The following EGFR variants were observed in gnomAD, a reference collection of about 807,000 sequenced individuals.
EGFR encodes the protein avian erythroblastic leukemia viral (v-erb-b) oncogene homolog.
In EGFR, 58 loss-of-function variants were observed where a neutral mutation model predicts 143.0. The observed-to-expected ratio is 0.41, with a 90% CI of 0.33 to 0.50. The LOEUF is 0.50. EGFR is among the 20% of genes least tolerant of loss of function. The pLI is 0.39. For missense variants in EGFR, 1,307 were observed against 1,579.0 expected (o/e 0.83, Z 2.92); for synonymous variants, 613 against 594.4 (o/e 1.03, Z -0.45).
intron 1 of EGFR, among the ~76,000 whole-genome samples, chr7:55,133,480 G>A (rs1041071465): frequency 2.0e-5 from 3 of 152,334 alleles, no homozygotes; most frequent in East Asian, 1.9e-4. Flanking sequence ...CAAAGAGCTG[G>A]CTTCCTGAAG....
chr7:55,144,055 A>T (rs1010056741), intron 3 of EGFR, among the ~76,000 whole-genome samples: 3 of 152,186 alleles, frequency 2.0e-5, no homozygotes, highest in Non-Finnish European at 4.4e-5. Flanking sequence ...GATTTTAAAA[A>T]ACTGGAGATA....
At chr7:55,047,129 A>T (rs1788221790) in intron 1 of EGFR, among the ~76,000 whole-genome samples, 1 of 152,204 alleles carries the variant, frequency 6.6e-6, no homozygotes, top group Non-Finnish European at 1.5e-5. Flanking sequence ...GTCATAAAGA[A>T]GAGGAGATAG....
At chr7:55,023,372 G>C (rs572991718) in intron 1 of EGFR, among the ~76,000 whole-genome samples, 1 of 152,082 alleles carries the variant, frequency 6.6e-6, no homozygotes, top group Admixed American at 6.5e-5. Flanking sequence ...ATTCTGGGCC[G>C]GGCATGGTGG....
intron 1 of EGFR, among the ~76,000 whole-genome samples, chr7:55,033,022 C>G (rs1787349692): frequency 6.6e-6 from 1 of 152,308 alleles, no homozygotes; most frequent in Non-Finnish European, 1.5e-5. Context: ...CACTGGTTCT[C>G]AGTATGTCCA....
chr7:55,055,856 G>A (rs1169706574), intron 1 of EGFR, among the ~76,000 whole-genome samples: 1 of 152,042 alleles, frequency 6.6e-6, no homozygotes, highest in Non-Finnish European at 1.5e-5. Flanking sequence ...TCACCTGCTT[G>A]AGGTCAGTTC....
chr7:55,110,650 C>T (rs1792421491), intron 1 of EGFR, among the ~76,000 whole-genome samples: 1 of 152,334 alleles, frequency 6.6e-6, no homozygotes, highest in East Asian at 1.9e-4. Context: ...AGCAACTTTC[C>T]AGTCTGTGAT....
chr7:55,064,501 A>C (rs1352917651), intron 1 of EGFR, among the ~76,000 whole-genome samples: 1 of 152,222 alleles, frequency 6.6e-6, no homozygotes, highest in Non-Finnish European at 1.5e-5. Context: ...ACACACAAAC[A>C]CCCATTCATG....
chr7:55,037,483 G>A (rs111595145), intron 1 of EGFR, among the ~76,000 whole-genome samples: 8 of 152,302 alleles, frequency 5.3e-5, no homozygotes, highest in Non-Finnish European at 8.8e-5. Context: ...ACGTAGCTTT[G>A]CAGCACTCTT....
rs540280258 is a variant in EGFR, at chr7:55,186,838, G to A, written c.2470-4881G>A. ...GGTCAGAGCAGGAGGCGCAGCTATAGTGAGGCCACCATGCAAGGCACAGGG... is the reference window on the plus strand; with the variant it reads ...GGTCAGAGCAGGAGGCGCAGCTATAATGAGGCCACCATGCAAGGCACAGGG... On this transcript the variant is annotated intron_variant, in intron 20 of 27. Transcript: ENST00000275493. Among the ~76,000 whole-genome samples, 6 of 152,342 alleles carry A rather than the reference G, an allele frequency of 3.9e-5. No individual in the cohort carries two copies. The South Asian group carries it at 1.0e-3, about 26-fold the overall frequency.
chr7:55,091,528 C>T (rs1004235705), intron 1 of EGFR, among the ~76,000 whole-genome samples: 1 of 152,144 alleles, frequency 6.6e-6, no homozygotes, highest in African/African-American at 2.4e-5. Flanking sequence ...CACCTCCCTT[C>T]GACAGTACAG....
At chr7:55,069,194 T>A (rs185903505) in intron 1 of EGFR, among the ~76,000 whole-genome samples, 21 of 152,322 alleles carry the variant, frequency 1.4e-4, no homozygotes, top group African/African-American at 5.1e-4. Context: ...TTTCTAAAAT[T>A]CAGATAATTA....
At chr7:55,053,414 TG>T (rs1321544269) in intron 1 of EGFR, among the ~76,000 whole-genome samples, 1 of 152,300 alleles carries the variant, frequency 6.6e-6, no homozygotes, top group South Asian at 2.1e-4. Flanking sequence ...GCCAGGGACG[TG>T]GGAAATCATT....
chr7:55,170,950 G>A (rs17337016), intron 15 of EGFR: 47 of 1,435,184 alleles, frequency 3.3e-5, no homozygotes, highest in Middle Eastern at 5.2e-4. Flanking sequence ...CTAGAACAAC[G>A]CCTGTCACAG....
intron 1 of EGFR, 46 bp downstream of exon 1, chr7:55,019,411 C>T (rs1346396922): frequency 7.8e-7 from 1 of 1,275,138 alleles, no homozygotes; most frequent in South Asian, 1.8e-5. Flanking sequence ...CGGATCGCGC[C>T]CCGGACCCCG....
In EGFR at chr7:55,200,523, T is replaced by C. The variant is rs954416859; in HGVS notation, c.2946+110T>C. 12 of 1,092,980 alleles carry C rather than the reference T, an allele frequency of 1.1e-5. No homozygotes were observed. The African/African-American group carries it at 1.5e-4, about 14-fold the overall frequency. 67.7% of individuals were successfully genotyped at this position (1,092,980 alleles called of 1,614,324 possible). On this transcript the variant is annotated intron_variant, in intron 24 of 27. Transcript: ENST00000275493. ...GGCCTCCCTGTGTCCCAGATCGCAT[T>C]ATTAAACCCTCCAGCGCATTAGAGC...
chr7:55,146,787 A>T (rs2128929764), intron 4 of EGFR, 47 bp downstream of exon 4: 1 of 1,612,910 alleles, frequency 6.2e-7, no homozygotes, highest in Non-Finnish European at 8.5e-7. Flanking sequence ...CCTATGGGGG[A>T]CAGCTCTACA....
chr7:55,139,039 C>G (rs1220972947), intron 1 of EGFR, among the ~76,000 whole-genome samples: 1 of 152,214 alleles, frequency 6.6e-6, no homozygotes, highest in African/African-American at 2.4e-5. Flanking sequence ...CCTTAGGGCA[C>G]AGCTCTCATG....
At chr7:55,142,830 G>A (rs567386304) in intron 2 of EGFR, among the ~76,000 whole-genome samples, 2 of 152,116 alleles carry the variant, frequency 1.3e-5, no homozygotes, top group Non-Finnish European at 2.9e-5. Flanking sequence ...TCACTCAGCT[G>A]GTCACAGAAT....
At chr7:55,077,887 G>A (rs1237847341) in intron 1 of EGFR, among the ~76,000 whole-genome samples, 3 of 152,202 alleles carry the variant, frequency 2.0e-5, no homozygotes, top group Non-Finnish European at 4.4e-5. Context: ...ACCCTGAGCA[G>A]GAACTGGAGG....
Sources: gnomAD v4.1 joint callset for allele counts (sites outside exome capture counted in the v4.1 genomes callset) on GRCh38, gnomAD v4.1.1 for gene constraint, MANE v1.5 for transcripts, NCBI Gene and HGNC (gene_info 2026-07-23, HGNC 2026-07-21) for gene names.